Variants in FAM107B observed in about 807,000 individuals in gnomAD.
FAM107B encodes protein FAM107B.
A neutral mutation model predicts 31.5 loss-of-function variants in FAM107B; 21 were observed. The observed-to-expected ratio is 0.67, with a 90% confidence interval of 0.47 to 0.96. The LOEUF is 0.96. FAM107B is among the 40% of genes least tolerant of loss of function. The pLI, the probability that FAM107B is intolerant of heterozygous loss-of-function variation, is 0.00. For missense variants in FAM107B, 452 were observed against 377.1 expected, an observed-to-expected ratio of 1.20 and a Z score of -1.64; for synonymous variants, 157 against 141.5, an observed-to-expected ratio of 1.11 and a Z score of -0.78.
intron 2 of FAM107B, among the ~76,000 whole-genome samples, chr10:14,636,552 C>T (rs1853505039): frequency 6.6e-6 from 1 of 152,162 alleles, no homozygotes; most frequent in South Asian, 2.1e-4. Context: ...TAAATATTCT[C>T]TTTTTCTAAG....
chr10:14,691,825 C>T (rs1221821477), intron 1 of FAM107B, among the ~76,000 whole-genome samples: 1 of 144,464 alleles, frequency 6.9e-6, no homozygotes, highest in Non-Finnish European at 1.5e-5. Context: ...ACCTGGGAAG[C>T]GGAGGTTGCA....
chr10:14,534,444 A>G (rs2130892370), intron 2 of FAM107B, among the ~76,000 whole-genome samples: 1 of 152,272 alleles, frequency 6.6e-6, no homozygotes, highest in East Asian at 1.9e-4. Flanking sequence ...TCCCTCTGCC[A>G]GCCATCCTGC....
Position 14,774,515 on chromosome 10 carries a change from GA to G in FAM107B, c.148del (p.Ser50ProfsTer105). On this transcript the variant is annotated frameshift_variant, in exon 1 of 5. Transcript: ENST00000181796. LOFTEE classifies it high-confidence loss of function. Reference sequence around the variant, plus strand: ...GGCCACAGGCTGCACACGGACGGTGGAATGAGTATCAGCCACGCCGGACTGA... The same window carrying G: ...GGCCACAGGCTGCACACGGACGGTGGATGAGTATCAGCCACGCCGGACTGA... ...FNQSGVADTHSTVRVQPVAKA... is the reference protein window; with the variant it reads ...FNQSGVADTHXTVRVQPVAKA... 1 of 1,614,190 alleles carries G rather than the reference GA, an allele frequency of 6.2e-7. No individual in the cohort carries two copies. The highest frequency in any genetic ancestry group is 8.5e-7 in the Non-Finnish European group (1 of 1,180,040).
intron 2 of FAM107B, among the ~76,000 whole-genome samples, chr10:14,651,938 A>G (rs771958386): frequency 6.6e-6 from 1 of 152,170 alleles, no homozygotes; most frequent in Non-Finnish European, 1.5e-5. Flanking sequence ...AAGGAACTCA[A>G]TAAGATTCAT....
chr10:14,770,751 T>C (rs112272245), intron 1 of FAM107B, among the ~76,000 whole-genome samples: 141 of 152,254 alleles, frequency 9.3e-4, no homozygotes, highest in African/African-American at 3.3e-3. Context: ...AGTTGAAGAC[T>C]GATCAATAGC....
At chr10:14,697,588 A>G (rs999072495) in intron 1 of FAM107B, among the ~76,000 whole-genome samples, 1 of 152,242 alleles carries the variant, frequency 6.6e-6, no homozygotes, top group Non-Finnish European at 1.5e-5. Context: ...GACATTTTCT[A>G]AAGACTTTAC....
chr10:14,634,546 G>T (rs1853448305), intron 2 of FAM107B, among the ~76,000 whole-genome samples: 1 of 152,028 alleles, frequency 6.6e-6, no homozygotes, highest in South Asian at 2.1e-4. Context: ...TCTGCTTCCA[G>T]TAATGATGGA....
chr10:14,609,091 T>G (rs547819583), intron 2 of FAM107B, among the ~76,000 whole-genome samples: 3 of 152,348 alleles, frequency 2.0e-5, no homozygotes, highest in Non-Finnish European at 4.4e-5. Flanking sequence ...GCTTATTTGT[T>G]TTTGGTTTAA....
intron 2 of FAM107B, among the ~76,000 whole-genome samples, chr10:14,589,634 A>G (rs902107676): frequency 6.6e-6 from 1 of 152,158 alleles, no homozygotes; most frequent in Non-Finnish European, 1.5e-5. Context: ...TAGGGTGAAT[A>G]AGAGTACATT....
At chr10:14,663,785 C>G (rs760297260) in intron 2 of FAM107B, among the ~76,000 whole-genome samples, 1 of 148,860 alleles carries the variant, frequency 6.7e-6, no homozygotes, top group African/African-American at 2.5e-5. Context: ...GAGCACACTC[C>G]TAACTCGTCT....
chr10:14,613,555 C>G lies in FAM107B; in HGVS notation c.469+54079G>C, dbSNP rs112808719. Among the ~76,000 whole-genome samples the G allele has an allele frequency of 3.8e-3, 576 of 152,288 alleles. 3 individuals are homozygous for G. Among genetic ancestry groups the G allele is most frequent in the Non-Finnish European group, 6.0e-3 (406 of 68,018 alleles). On this transcript the variant is annotated intron_variant, in intron 2 of 4. Transcript: ENST00000181796. Reference sequence around the variant, plus strand: ...ATAATCTTAATTTCCTCACTTACGCCCTACATCTACTTTGGCGACAAAACC... The same window carrying G: ...ATAATCTTAATTTCCTCACTTACGCGCTACATCTACTTTGGCGACAAAACC...
chr10:14,669,576 A>G (rs1854494702), intron 1 of FAM107B, among the ~76,000 whole-genome samples: 1 of 152,240 alleles, frequency 6.6e-6, no homozygotes, highest in African/African-American at 2.4e-5. Context: ...CATAAAAAAA[A>G]GAATGAAACT....
intron 1 of FAM107B, among the ~76,000 whole-genome samples, chr10:14,716,703 T>G (rs929062813): frequency 4.6e-5 from 7 of 152,194 alleles, no homozygotes; most frequent in Non-Finnish European, 8.8e-5. Context: ...TCTTGGCTCC[T>G]CCTCAAGCAC....
At chr10:14,681,020 T>C (rs1005255084) in intron 1 of FAM107B, among the ~76,000 whole-genome samples, 2 of 152,216 alleles carry the variant, frequency 1.3e-5, no homozygotes, top group Non-Finnish European at 2.9e-5. Flanking sequence ...AGGGAGACTC[T>C]GGGGTCCTGA....
chr10:14,530,256 T>C, intron 3 of FAM107B, 76 bp downstream of exon 3: 5 of 1,413,050 alleles, frequency 3.5e-6, no homozygotes, highest in South Asian at 1.4e-5. Context: ...GAAGCCTCTG[T>C]AAATACAATT....
intron 2 of FAM107B, among the ~76,000 whole-genome samples, chr10:14,575,352 T>C (rs1851433045): frequency 6.6e-6 from 1 of 152,046 alleles, no homozygotes; most frequent in African/African-American, 2.4e-5. Flanking sequence ...TACAAGAGCG[T>C]GCCACCACAC....
At chr10:14,591,570 C>T (rs1020580826) in intron 2 of FAM107B, among the ~76,000 whole-genome samples, 1 of 152,182 alleles carries the variant, frequency 6.6e-6, no homozygotes, top group African/African-American at 2.4e-5. Context: ...AATCAACAAT[C>T]TCTAATGAAA....
At chr10:14,652,247 C>T (rs1008450853) in intron 2 of FAM107B, among the ~76,000 whole-genome samples, 2 of 152,210 alleles carry the variant, frequency 1.3e-5, no homozygotes, top group Admixed American at 1.3e-4. Flanking sequence ...AGCTCACCCT[C>T]CTGCAGAGCT....
At chr10:14,528,490 T>TTTTTATAAGAAAA (rs1846577896) in intron 3 of FAM107B, among the ~76,000 whole-genome samples, 1 of 152,180 alleles carries the variant, frequency 6.6e-6, no homozygotes, top group Non-Finnish European at 1.5e-5. Flanking sequence ...CCTACTTTAA[T>TTTTTATAAGAAAA]TTTTATAAGA....
Sources: allele counts gnomAD v4.1 joint callset (sites outside exome capture counted in the v4.1 genomes callset), GRCh38; gene constraint gnomAD v4.1.1; transcripts MANE v1.5; gene names NCBI Gene and HGNC (gene_info 2026-07-23, HGNC 2026-07-21).